ITCH: variants seen among roughly 807,000 people sequenced by gnomAD.
The protein encoded by ITCH is itchy E3 ubiquitin protein ligase, also known as E3 ubiquitin-protein ligase Itchy homolog.
In ITCH, 28 loss-of-function variants were observed where a neutral mutation model predicts 126.8. The observed-to-expected ratio is 0.22, with a 90% CI of 0.16 to 0.30. ITCH has a LOEUF of 0.30. Ranked by LOEUF, ITCH falls within the 10% of genes least tolerant of loss-of-function variation. The pLI is 1.00. For missense variants in ITCH, 631 were observed against 1,032.4 expected, an observed-to-expected ratio of 0.61 and a Z score of 5.33; for synonymous variants, 342 against 340.0, an observed-to-expected ratio of 1.01 and a Z score of -0.06.
chr20:34,491,655 A>G (rs6059868), intron 22 of ITCH, among the ~76,000 whole-genome samples: 68,699 of 152,058 alleles, frequency 0.45, 16,029 homozygotes, highest in Non-Finnish European at 0.5. Context: ...TAGGATTACA[A>G]TTGTAGGATA....
At chr20:34,436,048 A>G (rs946812835) in intron 7 of ITCH, among the ~76,000 whole-genome samples, 3 of 152,240 alleles carry the variant, frequency 2.0e-5, no homozygotes, top group East Asian at 1.9e-4. Flanking sequence ...TCAAAATGTT[A>G]TAAGGGTGTA....
At chr20:34,364,025 GA>G (rs568969559) in intron 1 of ITCH, among the ~76,000 whole-genome samples, 1 of 152,134 alleles carries the variant, frequency 6.6e-6, no homozygotes, top group Non-Finnish European at 1.5e-5. Context: ...GCAGAGAAAA[GA>G]AAAAAGTAGC....
Position 34,440,157 on chromosome 20 carries a change from T to C in ITCH, c.682T>C (p.Ser228Pro), listed in dbSNP as rs769770717. Residue 228 changes from serine (S) to proline (P), a missense_variant and splice_region_variant, in exon 9 of 25, where the codon TCT (serine) becomes CCT (proline). Around this residue, in one of 4 missense-constraint regions of ITCH, gnomAD observed 220 missense variants for 265.7 expected, o/e 0.83. Transcript: ENST00000374864. ...PPPPTPRRPASVNGSPSATSE... is the reference protein window; with the variant it reads ...PPPPTPRRPAPVNGSPSATSE... ...TATTTTCCCCAAATCTTTTATAGCA[T>C]CTGTCAATGGTTCACCATCTGCCAC... The C allele has an allele frequency of 4.4e-6, 7 of 1,607,786 alleles. No individual in the cohort carries two copies. In the Admixed American group the frequency reaches 1.2e-4, roughly 27 times the overall value.
chr20:34,503,881 T>TG (rs1569012870), intron 23 of ITCH, among the ~76,000 whole-genome samples: 1 of 115,870 alleles, frequency 8.6e-6, no homozygotes, highest in African/African-American at 3.0e-5. Context: ...TTTTTTTTTT[T>TG]TTGGTTTTTT....
intron 8 of ITCH, among the ~76,000 whole-genome samples, chr20:34,439,195 A>G (rs1983420258): frequency 6.6e-6 from 1 of 152,228 alleles, no homozygotes; most frequent in African/African-American, 2.4e-5. Flanking sequence ...GTGTAGTTAA[A>G]CCAAATATTA....
At chr20:34,494,301 G>T (rs1259111449) in intron 23 of ITCH, among the ~76,000 whole-genome samples, 1 of 152,128 alleles carries the variant, frequency 6.6e-6, no homozygotes, top group Non-Finnish European at 1.5e-5. Context: ...AAAGAAGAAA[G>T]AAATAGTATA....
chr20:34,483,535 C>T (rs1988907277), intron 20 of ITCH, among the ~76,000 whole-genome samples: 1 of 152,194 alleles, frequency 6.6e-6, no homozygotes, highest in Non-Finnish European at 1.5e-5. Context: ...CTAAAACATA[C>T]AAAGAGTCAC....
intron 23 of ITCH, among the ~76,000 whole-genome samples, chr20:34,499,263 T>A (rs1371456009): frequency 1.2e-4 from 16 of 130,828 alleles, no homozygotes; most frequent in Middle Eastern, 4.0e-3. Flanking sequence ...CGTGAGCCAC[T>A]GTGCCCAGCT....
chr20:34,429,216 A>G (rs1981958604), intron 7 of ITCH, among the ~76,000 whole-genome samples: 1 of 152,180 alleles, frequency 6.6e-6, no homozygotes, highest in South Asian at 2.1e-4. Context: ...CTGGGATTAT[A>G]GGTGTGAGCC....
chr20:34,499,718 T>C (rs759565141), intron 23 of ITCH, among the ~76,000 whole-genome samples: 7 of 152,122 alleles, frequency 4.6e-5, no homozygotes, highest in Non-Finnish European at 1.0e-4. Flanking sequence ...ATTATTTCTT[T>C]CCTTCTAGTA....
At chr20:34,388,038 A>G (rs2146050154) in intron 2 of ITCH, among the ~76,000 whole-genome samples, 1 of 152,146 alleles carries the variant, frequency 6.6e-6, no homozygotes, top group Admixed American at 6.5e-5. Flanking sequence ...CATTGGTTCC[A>G]GTCACAATGG....
At chr20:34,393,560 A>G (rs2038561881) in intron 2 of ITCH, among the ~76,000 whole-genome samples, 1 of 152,196 alleles carries the variant, frequency 6.6e-6, no homozygotes, top group South Asian at 2.1e-4. Flanking sequence ...CCTGGAGAAT[A>G]TATCTTGGGA....
intron 2 of ITCH, among the ~76,000 whole-genome samples, chr20:34,386,085 C>G (rs74883759): frequency 2.7e-5 from 4 of 150,694 alleles, no homozygotes; most frequent in Non-Finnish European, 5.9e-5. Flanking sequence ...GCACCAAAGT[C>G]GGCTCCTTTG....
chr20:34,457,600 G>C lies in ITCH; in HGVS notation c.1295+126G>C. The C allele has an allele frequency of 5.7e-6, 4 of 700,586 alleles. No homozygotes were observed. The South Asian group carries it at 6.4e-5, about 11-fold the overall frequency. The allele number at this position is 700,586 out of a possible 1,614,324, so 43.4% of individuals were successfully genotyped here. The stretch of plus-strand genomic sequence containing the variant: ...AAACGTTAATCACCTACATACTTTG[G>C]AAAGAGAAAATTATACTATTATTTT... On this transcript the variant is annotated intron_variant, in intron 13 of 24. Coordinates refer to ENST00000374864, the MANE Select transcript of ITCH (RefSeq NM_031483.7).
intron 23 of ITCH, among the ~76,000 whole-genome samples, chr20:34,502,109 T>G (rs1292630815): frequency 6.6e-6 from 1 of 152,190 alleles, no homozygotes; most frequent in African/African-American, 2.4e-5. Context: ...TTGTATGGTT[T>G]AGGGACAGTG....
intron 12 of ITCH, among the ~76,000 whole-genome samples, chr20:34,454,169 G>A (rs1483990256): frequency 4.8e-5 from 7 of 146,024 alleles, no homozygotes; most frequent in African/African-American, 1.3e-4. Flanking sequence ...ACGGAGTCTC[G>A]CTCTGTCGCC....
intron 12 of ITCH, among the ~76,000 whole-genome samples, chr20:34,455,615 G>T (rs922315358): frequency 6.7e-6 from 1 of 148,186 alleles, no homozygotes; most frequent in Non-Finnish European, 1.5e-5. Context: ...GGTGCACACC[G>T]CCATGCCTGG....
intron 14 of ITCH, among the ~76,000 whole-genome samples, chr20:34,465,391 T>C (rs1986954290): frequency 6.6e-6 from 1 of 152,168 alleles, no homozygotes; most frequent in Non-Finnish European, 1.5e-5. Context: ...AATTTTAGGA[T>C]GGATTTTTTT....
At chr20:34,398,824 A>G (rs978427371) in intron 3 of ITCH, among the ~76,000 whole-genome samples, 6 of 152,188 alleles carry the variant, frequency 3.9e-5, no homozygotes, top group Non-Finnish European at 1.5e-5. Flanking sequence ...TGAATAATGG[A>G]TAATAGTTCA....
Sources: gnomAD v4.1 joint callset for allele counts (sites outside exome capture counted in the v4.1 genomes callset) on GRCh38, gnomAD v4.1.1 for gene constraint, gnomAD v4.1.1 regional missense constraint, MANE v1.5 for transcripts, NCBI Gene and HGNC (gene_info 2026-07-23, HGNC 2026-07-21) for gene names.